Variants in MYCBP2 observed in about 807,000 individuals in gnomAD.
MYCBP2 encodes the protein MYC binding protein 2, also known as E3 ubiquitin-protein ligase MYCBP2.
Under a neutral mutation model 525.3 loss-of-function variants are expected in MYCBP2, and 120 were observed. The ratio of observed to expected loss-of-function variants is 0.23; its 90% CI spans 0.20 to 0.27. The LOEUF (loss-of-function observed/expected upper bound fraction) is 0.27. Ranked by LOEUF, MYCBP2 falls within the 10% of genes least tolerant of loss-of-function variation. MYCBP2 has a pLI of 1.00. For synonymous variants in MYCBP2, 1,894 were observed against 1,955.8 expected (o/e 0.97, Z 0.83); for missense variants, 4,149 against 5,657.1 (o/e 0.73, Z 8.55).
intron 37 of MYCBP2, among the ~76,000 whole-genome samples, chr13:77,172,694 G>C (rs1595116764): frequency 6.6e-6 from 1 of 152,172 alleles, no homozygotes. Flanking sequence ...ATGAGGGAAA[G>C]AGAAGTCCAG....
rs2042015176 is a variant in MYCBP2 at position 77,074,859 on chromosome 13, T to C, written c.11823+1892A>G. Among the ~76,000 whole-genome samples, 3 of 151,964 alleles carry C rather than the reference T, an allele frequency of 2.0e-5. No individual in the cohort carries two copies. In the South Asian group the frequency reaches 6.2e-4, roughly 32 times the overall value. ...TAGTTGCTAGGCTCTAAGTGTGAGG[T>C]TGGGGGATTGCCTGCAAAGGAACAT... On this transcript the variant is annotated intron_variant, in intron 68 of 82. Coordinates refer to ENST00000544440, the MANE Select transcript of MYCBP2 (RefSeq NM_015057.5).
intron 52 of MYCBP2, among the ~76,000 whole-genome samples, chr13:77,133,808 C>G (rs1345066775): frequency 6.6e-6 from 1 of 152,158 alleles, no homozygotes; most frequent in Non-Finnish European, 1.5e-5. Context: ...AACTTTTCTT[C>G]AAGTCCTCCT....
In MYCBP2 at chr13:77,166,187, C is replaced by T. The variant is rs1595060682; in HGVS notation, c.6340+142G>A. 9.5e-6 allele frequency: 6 copies of T among 630,146 alleles called. No homozygotes were observed. The East Asian group carries it at 1.7e-4, about 17-fold the overall frequency. 39.0% of individuals were successfully genotyped at this position (630,146 alleles called of 1,614,324 possible). ...CCTTGCCCAGGGTACCTTATTTATT[C>T]CTCGAATGCAATCCAGATACATAGT... On this transcript the variant is annotated intron_variant, in intron 41 of 82. Transcript: ENST00000544440.
chr13:77,287,063 G>A (rs9574029), intron 3 of MYCBP2, among the ~76,000 whole-genome samples: 85,929 of 148,908 alleles, frequency 0.58, 28,056 homozygotes, highest in Non-Finnish European at 0.74. Flanking sequence ...TTTTTTTTGT[G>A]TTTTTAGTAC....
intron 32 of MYCBP2, among the ~76,000 whole-genome samples, chr13:77,183,555 T>TTC (rs1566842746): frequency 3.9e-5 from 5 of 128,008 alleles, no homozygotes; most frequent in Admixed American, 2.4e-4. Flanking sequence ...TTTTTTTTTT[T>TTC]TTTTTTTTTT....
At chr13:77,136,236 C>T (rs192799759) in intron 52 of MYCBP2, among the ~76,000 whole-genome samples, 24 of 152,346 alleles carry the variant, frequency 1.6e-4, no homozygotes, top group Admixed American at 1.4e-3. Context: ...GTGACTTCCA[C>T]GTGCACTGCA....
In MYCBP2 at chr13:77,177,970, G is replaced by A. The variant is rs762873461; in HGVS notation, c.5134-16C>T. Reference sequence around the variant, plus strand: ...GTCCATCAACCTGTGAACAATAAAAGCAATTGTATCAGTAGTTGGTATACC... The same window carrying A: ...GTCCATCAACCTGTGAACAATAAAAACAATTGTATCAGTAGTTGGTATACC... On this transcript the variant is annotated splice_polypyrimidine_tract_variant and intron_variant, in intron 34 of 82. Coordinates refer to ENST00000544440, the MANE Select transcript of MYCBP2 (RefSeq NM_015057.5). 2.7e-6 allele frequency: 4 copies of A among 1,500,386 alleles called. No individual in the cohort carries two copies. The highest frequency in any genetic ancestry group is 1.7e-4 in the Middle Eastern group (1 of 5,874). 92.9% of individuals were successfully genotyped at this position (1,500,386 alleles called of 1,614,324 possible).
At chr13:77,252,783 T>C (rs1025815130) in intron 14 of MYCBP2, among the ~76,000 whole-genome samples, 2 of 152,112 alleles carry the variant, frequency 1.3e-5, no homozygotes, top group Non-Finnish European at 2.9e-5. Context: ...TAGCTATATC[T>C]AGGATTAGAA....
At position 77,203,007 on chromosome 13, in the gene MYCBP2, C is replaced by A. The variant is rs1040845169; in HGVS notation, c.3843+2249G>T. On this transcript the variant is annotated intron_variant, in intron 26 of 82. Transcript: ENST00000544440. ...CACAAGACAGGGATGCCCTCTCTCACCACTCCTATTCAACATAGTGTTGGA... is the reference window on the plus strand; with the variant it reads ...CACAAGACAGGGATGCCCTCTCTCAACACTCCTATTCAACATAGTGTTGGA... Among the ~76,000 whole-genome samples the A allele has an allele frequency of 6.4e-3, 970 of 151,570 alleles. 8 individuals carry two copies. Among genetic ancestry groups the A allele is most frequent in the African/African-American group, 0.022 (907 of 41,402 alleles).
chr13:77,215,467 T>C (rs898526232), intron 21 of MYCBP2, among the ~76,000 whole-genome samples: 1 of 152,192 alleles, frequency 6.6e-6, no homozygotes. Flanking sequence ...GAGAAATAAA[T>C]ATATTGATAT....
intron 30 of MYCBP2, among the ~76,000 whole-genome samples, chr13:77,188,438 C>A (rs888169575): frequency 1.3e-5 from 2 of 152,128 alleles, no homozygotes; most frequent in Non-Finnish European, 2.9e-5. Flanking sequence ...CATGAGAGAT[C>A]AAGACCTTAA....
At chr13:77,305,462 C>T (rs2079296231) in intron 1 of MYCBP2, among the ~76,000 whole-genome samples, 1 of 151,990 alleles carries the variant, frequency 6.6e-6, no homozygotes, top group African/African-American at 2.4e-5. Context: ...TGTATAATTC[C>T]ATTTATATGT....
At chr13:77,135,980 C>T (rs562376719) in intron 52 of MYCBP2, among the ~76,000 whole-genome samples, 5 of 152,118 alleles carry the variant, frequency 3.3e-5, no homozygotes, top group African/African-American at 1.2e-4. Context: ...GGACTATAGG[C>T]GTCCACCACC....
At chr13:77,106,755 C>G (rs929929976) in intron 55 of MYCBP2, among the ~76,000 whole-genome samples, 1 of 150,796 alleles carries the variant, frequency 6.6e-6, no homozygotes. Flanking sequence ...TTCTTTCCAA[C>G]TTTTATTTTA....
At chr13:77,137,596 G>C (rs1268262855) in intron 52 of MYCBP2, among the ~76,000 whole-genome samples, 1 of 151,842 alleles carries the variant, frequency 6.6e-6, no homozygotes, top group East Asian at 1.9e-4. Context: ...CTATATTTTT[G>C]TGTTTTTTTT....
intron 16 of MYCBP2, 70 bp downstream of exon 16, chr13:77,243,736 T>G (rs1245961795): frequency 7.4e-7 from 1 of 1,345,548 alleles, no homozygotes; most frequent in Non-Finnish European, 1.0e-6. Flanking sequence ...CTAAAAGAAA[T>G]TGTTTAAACT....
chr13:77,250,496 T>A (rs1232679766), intron 15 of MYCBP2, among the ~76,000 whole-genome samples: 2 of 152,168 alleles, frequency 1.3e-5, no homozygotes, highest in African/African-American at 2.4e-5. Flanking sequence ...GAATATCCCA[T>A]CATGTTATAG....
At chr13:77,241,316 G>A (rs1360355706) in intron 17 of MYCBP2, among the ~76,000 whole-genome samples, 1 of 152,100 alleles carries the variant, frequency 6.6e-6, no homozygotes, top group African/African-American at 2.4e-5. Flanking sequence ...AAGAGAAAAA[G>A]AGTAACAAGA....
At chr13:77,158,489 C>T (rs1008849611) in intron 44 of MYCBP2, among the ~76,000 whole-genome samples, 1 of 152,176 alleles carries the variant, frequency 6.6e-6, no homozygotes, top group African/African-American at 2.4e-5. Context: ...CTCTGCCACC[C>T]AGGAGTACAG....
Sources: gnomAD v4.1 joint callset for allele counts (sites outside exome capture counted in the v4.1 genomes callset) on GRCh38, gnomAD v4.1.1 for gene constraint, MANE v1.5 for transcripts, NCBI Gene and HGNC (gene_info 2026-07-23, HGNC 2026-07-21) for gene names.